THBS2: variants seen among roughly 807,000 people sequenced by gnomAD.
THBS2 encodes the protein thrombospondin 2, also known as thrombospondin-2.
A neutral mutation model predicts 135.2 loss-of-function variants in THBS2; 47 were observed. The ratio of observed to expected loss-of-function variants is 0.35; its 90% CI spans 0.28 to 0.44. THBS2 has a LOEUF of 0.44. Ranked by LOEUF, THBS2 falls within the 20% of genes least tolerant of loss-of-function variation. The probability of loss-of-function intolerance (pLI) is 1.00; values close to 1 mark genes in which losing one functional copy is unlikely to be tolerated. For missense variants in THBS2, 1,288 were observed against 1,603.1 expected, an observed-to-expected ratio of 0.80 and a Z score of 3.36; for synonymous variants, 639 against 633.8, an observed-to-expected ratio of 1.01 and a Z score of -0.12.
intron 8 of THBS2, 26 bp downstream of exon 8, chr6:169,237,599 G>A (rs1408904324): frequency 1.9e-5 from 30 of 1,610,398 alleles, no homozygotes; most frequent in Middle Eastern, 1.7e-4. Flanking sequence ...CCACAGGCAC[G>A]CGGGTGTCAC....
At chr6:169,239,756 G>C (rs1780226775) in intron 6 of THBS2, 61 bp from the exon 7 acceptor site, 1 of 1,299,200 alleles carries the variant, frequency 7.7e-7, no homozygotes, top group Admixed American at 2.0e-5. Context: ...GCTGGTACAA[G>C]GGCTGAGACT....
At chr6:169,219,331 TGTGG>T (rs1482516141) in intron 21 of THBS2, among the ~76,000 whole-genome samples, 4 of 112,760 alleles carry the variant, frequency 3.5e-5, no homozygotes, top group Non-Finnish European at 1.8e-5. Flanking sequence ...TGGGTGGGTG[TGTGG>T]GTGGGTGGAT....
In THBS2 at chr6:169,217,702, A is replaced by G; in HGVS notation, c.*120T>C. On this transcript the variant is annotated 3_prime_UTR_variant, in exon 22 of 22. Coordinates refer to ENST00000617924, the MANE Select transcript of THBS2 (RefSeq NM_003247.5). ...CTGGCAGGAGGTGAAGAACCATCAGAGTTAAGGTCAAGGGACAGGAGGTGC... is the reference window on the plus strand; with the variant it reads ...CTGGCAGGAGGTGAAGAACCATCAGGGTTAAGGTCAAGGGACAGGAGGTGC... The G allele has an allele frequency of 8.8e-7, 1 of 1,138,126 alleles. No individual in the cohort carries two copies. Among genetic ancestry groups the G allele is most frequent in the Non-Finnish European group, 1.2e-6 (1 of 800,234 alleles). The allele number at this position is 1,138,126 out of a possible 1,614,324, so 70.5% of individuals were successfully genotyped here.
At chr6:169,226,393 C>T in intron 15 of THBS2, 95 bp from the exon 16 acceptor site, 1 of 832,336 alleles carries the variant, frequency 1.2e-6, no homozygotes, top group East Asian at 2.5e-5. Context: ...CACGAAATTG[C>T]TTACAGCCAC....
chr6:169,250,865 G>C, intron 1 of THBS2, 59 bp from the exon 2 acceptor site: 1 of 1,222,632 alleles, frequency 8.2e-7, no homozygotes, highest in Non-Finnish European at 1.2e-6. Flanking sequence ...CTGCCTGTGA[G>C]CGAGACTGGC....
chr6:169,246,091 T>G (rs1039635579), intron 4 of THBS2, 106 bp downstream of exon 4: 2 of 896,264 alleles, frequency 2.2e-6, no homozygotes, highest in East Asian at 5.0e-5. Context: ...TTACTTAAAT[T>G]TTTACAAGCA....
intron 9 of THBS2, among the ~76,000 whole-genome samples, chr6:169,236,857 C>A (rs1780111577): frequency 6.6e-6 from 1 of 152,190 alleles, no homozygotes; most frequent in Non-Finnish European, 1.5e-5. Context: ...CTCACTCCCC[C>A]ATCCACACTC....
At chr6:169,219,955 G>A (rs917469010) in intron 21 of THBS2, 24 of 610,754 alleles carry the variant, frequency 3.9e-5, no homozygotes, top group African/African-American at 3.3e-4. Flanking sequence ...GAGGATGGGT[G>A]GGACCTGTAA....
chr6:169,225,087 C>G (rs1583406249), intron 17 of THBS2, 58 bp downstream of exon 17: 1 of 1,541,354 alleles, frequency 6.5e-7, no homozygotes, highest in East Asian at 2.3e-5. Flanking sequence ...TATCTCTGCC[C>G]TGGCGGGTTG....
chr6:169,218,695 T>C (rs111163623), intron 21 of THBS2, among the ~76,000 whole-genome samples: 28,223 of 107,914 alleles, frequency 0.26, 3,194 homozygotes, highest in Middle Eastern at 0.4. Context: ...ATGGATGGGA[T>C]GGATGGATGG....
chr6:169,247,102 G>A (rs1315864269), intron 3 of THBS2, among the ~76,000 whole-genome samples: 2 of 152,178 alleles, frequency 1.3e-5, no homozygotes, highest in African/African-American at 2.4e-5. Flanking sequence ...AAAAGTCTGG[G>A]ATTGCTAGAA....
intron 21 of THBS2, among the ~76,000 whole-genome samples, chr6:169,219,260 G>A (rs111064718): frequency 1.1e-5 from 1 of 87,936 alleles, no homozygotes; most frequent in Non-Finnish European, 2.3e-5. Context: ...ATAGGTGGAT[G>A]GGTGGGTGGA....
intron 20 of THBS2, among the ~76,000 whole-genome samples, chr6:169,220,930 T>C (rs1271963821): frequency 2.6e-5 from 4 of 152,250 alleles, no homozygotes; most frequent in Non-Finnish European, 2.9e-5. Context: ...TTGGTGCTTA[T>C]TAACTTTGAA....
chr6:169,245,515 G>T (rs568140517), intron 4 of THBS2, among the ~76,000 whole-genome samples: 355 of 152,212 alleles, frequency 2.3e-3, no homozygotes, highest in Non-Finnish European at 4.0e-3. Context: ...CTTCTAGGCC[G>T]GGCGTGGTGG....
rs9800782 is a variant in THBS2 at position 169,241,347 on chromosome 6, C to T, written c.891+415G>A. On this transcript the variant is annotated intron_variant, in intron 5 of 21. Transcript: ENST00000617924. This position sits in a 1 kb window ranked among gnomAD's most constrained non-coding sequence, Gnocchi z 5.5. ...GCCTCACAGGAACTTCCCGTCCTGCCTCTTCAGCTATGCCAACATGCAGTC... is the reference window on the plus strand; with the variant it reads ...GCCTCACAGGAACTTCCCGTCCTGCTTCTTCAGCTATGCCAACATGCAGTC... Among the ~76,000 whole-genome samples the T allele has an allele frequency of 0.024, 3,673 of 152,270 alleles. 132 individuals carry two copies. The highest frequency in any genetic ancestry group is 0.18 in the East Asian group (951 of 5,172).
At chr6:169,233,805 AC>A (rs1258378609) in intron 10 of THBS2, among the ~76,000 whole-genome samples, 3 of 149,768 alleles carry the variant, frequency 2.0e-5, no homozygotes, top group Non-Finnish European at 4.5e-5. Context: ...CACATTCCAG[AC>A]CACACAACTG....
Position 169,229,688 on chromosome 6 carries a change from G to A in THBS2, c.2152-9C>T, listed in dbSNP as rs6422747. The A allele has an allele frequency of 0.59, 950,117 of 1,606,948 alleles. 286,323 individuals are homozygous for A. Among genetic ancestry groups the A allele is most frequent in the African/African-American group, 0.92 (68,684 of 74,904 alleles). On this transcript the variant is annotated splice_polypyrimidine_tract_variant and intron_variant, in intron 13 of 21. Transcript: ENST00000617924. ...AGATGGGGGCAGTTATCCTGCAATTGGAGAAGGAAGAATACTTGGAAAAAC... is the reference window on the plus strand; with the variant it reads ...AGATGGGGGCAGTTATCCTGCAATTAGAGAAGGAAGAATACTTGGAAAAAC...
chr6:169,247,791 C>T (rs543437772), intron 3 of THBS2, among the ~76,000 whole-genome samples: 23 of 146,984 alleles, frequency 1.6e-4, no homozygotes, highest in East Asian at 2.1e-4. Context: ...TATGTGCACA[C>T]GTCTGTGAAT....
At chr6:169,218,066 AATGG>A (rs1447901449) in intron 21 of THBS2, among the ~76,000 whole-genome samples, 1 of 82,814 alleles carries the variant, frequency 1.2e-5, no homozygotes, top group Non-Finnish European at 2.4e-5. Flanking sequence ...GGATGGATGA[AATGG>A]ATGGGTGGGT....
Sources: allele counts gnomAD v4.1 joint callset (sites outside exome capture counted in the v4.1 genomes callset), GRCh38; gene constraint gnomAD v4.1.1; non-coding constraint Gnocchi (gnomAD v3.1); transcripts MANE v1.5; gene names NCBI Gene and HGNC (gene_info 2026-07-23, HGNC 2026-07-21).